The following PRKN variants were observed in gnomAD, a reference collection of about 807,000 sequenced individuals.
PRKN encodes parkin RBR E3 ubiquitin protein ligase.
In PRKN, 56 loss-of-function variants were observed where a neutral mutation model predicts 59.5. The ratio of observed to expected loss-of-function variants is 0.94; its 90% CI spans 0.76 to 1.18. PRKN has a LOEUF of 1.18. Ranked by LOEUF, PRKN falls within the 50% of genes most tolerant of loss-of-function variation. The pLI is 0.00. For missense variants in PRKN, 657 were observed against 596.4 expected (o/e 1.10, Z -1.06); for synonymous variants, 250 against 222.1 (o/e 1.13, Z -1.12).
In PRKN at chr6:161,357,946, C is replaced by A. The variant is rs971084698; in HGVS notation, c.1285+2142G>T. Among the ~76,000 whole-genome samples, 4 of 152,232 alleles carry A rather than the reference C, an allele frequency of 2.6e-5. No homozygotes were observed. Among genetic ancestry groups the A allele is most frequent in the Admixed American group, 6.5e-5 (1 of 15,278 alleles). On this transcript the variant is annotated intron_variant, in intron 11 of 11. Transcript: ENST00000366898. This position sits in a 1 kb window ranked among gnomAD's most constrained non-coding sequence, Gnocchi z 5.5. ...AAACTGGTGCTCACACAGCCACAGT[C>A]CATGGCAGAGTCCTAACTCCTGCAA...
rs1426374815 is a variant in PRKN, at chr6:161,498,586, C to T, written c.1083+50268G>A. On this transcript the variant is annotated intron_variant, in intron 9 of 11. Transcript: ENST00000366898. The surrounding 1 kb of genome is among the most constrained non-coding windows in gnomAD (Gnocchi z 4.2). ...TGACATGTGTAACTTGAGGCCAGAG[C>T]CTTTAATTTCTGGCACTCAACTCTC... is the stretch of plus-strand genomic sequence containing the variant. 6.6e-6 allele frequency among the ~76,000 whole-genome samples: 1 copy of T among 152,138 alleles called. No homozygotes were observed. Among genetic ancestry groups the T allele is most frequent in the Non-Finnish European group, 1.5e-5 (1 of 68,032 alleles).
chr6:162,436,778 G>C lies in PRKN; in HGVS notation c.171+6532C>G, dbSNP rs1248029055. ...TCATGTCTATTCAGATCTATAATGT[G>C]CTAAAAATTCTGTTTAAGACTTCAA... On this transcript the variant is annotated intron_variant, in intron 2 of 11. Coordinates refer to ENST00000366898, the MANE Select transcript of PRKN (RefSeq NM_004562.3). Among the ~76,000 whole-genome samples the C allele has an allele frequency of 2.3e-5, 3 of 128,586 alleles. No homozygotes were observed. The South Asian group carries it at 7.9e-4, about 34-fold the overall frequency. The allele number at this position is 128,586 out of a possible 152,430, so 84.4% of individuals were successfully genotyped here.
chr6:161,568,309 C>T lies in PRKN; in HGVS notation c.933+1046G>A, dbSNP rs569632491. ...TCTTTAGGAGTAAAAATAAATAACACTGGGCTGGGCGTGATGGCTCACGCC... is the reference window on the plus strand; with the variant it reads ...TCTTTAGGAGTAAAAATAAATAACATTGGGCTGGGCGTGATGGCTCACGCC... On this transcript the variant is annotated intron_variant, in intron 8 of 11. Coordinates refer to ENST00000366898, the MANE Select transcript of PRKN (RefSeq NM_004562.3). Among the ~76,000 whole-genome samples the T allele has an allele frequency of 7.2e-5, 11 of 152,258 alleles. No individual in the cohort carries two copies. In the South Asian group the frequency reaches 2.3e-3, roughly 32 times the overall value.
chr6:162,327,961 C>T (rs6905464), intron 2 of PRKN, among the ~76,000 whole-genome samples: 57,044 of 151,854 alleles, frequency 0.38, 11,059 homozygotes, highest in Middle Eastern at 0.48. Flanking sequence ...GGATCACAGA[C>T]GGAGATCCAA....
chr6:162,477,911 T>C (rs1246888217), intron 1 of PRKN, among the ~76,000 whole-genome samples: 1 of 152,202 alleles, frequency 6.6e-6, no homozygotes, highest in African/African-American at 2.4e-5. Flanking sequence ...TAGGATCCTT[T>C]ACTGTTTGTC....
chr6:162,499,396 C>T (rs780728299), intron 1 of PRKN, among the ~76,000 whole-genome samples: 1 of 152,140 alleles, frequency 6.6e-6, no homozygotes, highest in Non-Finnish European at 1.5e-5. Context: ...ATTTGTCACA[C>T]CTCTTCAAAT....
chr6:162,443,165 T>C (rs951697688), intron 2 of PRKN, 145 bp downstream of exon 2: 9 of 760,164 alleles, frequency 1.2e-5, no homozygotes, highest in African/African-American at 1.8e-5. Context: ...TCAGAATTAA[T>C]GAAGCAGTGT....
At chr6:161,586,852 T>C (rs1781539142) in intron 7 of PRKN, among the ~76,000 whole-genome samples, 1 of 152,216 alleles carries the variant, frequency 6.6e-6, no homozygotes. Flanking sequence ...AGGGACTGAT[T>C]CTGAATCCAG....
At chr6:162,248,889 T>A (rs1291334839) in intron 3 of PRKN, among the ~76,000 whole-genome samples, 4 of 152,080 alleles carry the variant, frequency 2.6e-5, no homozygotes, top group African/African-American at 9.7e-5. Flanking sequence ...TATAATTTTT[T>A]TTTTTTTTAA....
In PRKN at chr6:162,246,033, T is replaced by C. The variant is rs1779178740; in HGVS notation, c.412+16492A>G. The stretch of plus-strand genomic sequence containing the variant: ...TGACGCATGACTGAAGTTGTAGGAC[T>C]GAAGCTATAAATTCTCTACATGGCT... On this transcript the variant is annotated intron_variant, in intron 3 of 11. Coordinates refer to ENST00000366898, the MANE Select transcript of PRKN (RefSeq NM_004562.3). Among the ~76,000 whole-genome samples the C allele has an allele frequency of 5.3e-5, 8 of 152,316 alleles. No individual in the cohort carries two copies. The South Asian group carries it at 1.7e-3, about 32-fold the overall frequency.
intron 2 of PRKN, among the ~76,000 whole-genome samples, chr6:162,394,677 A>T (rs1331487650): frequency 6.6e-6 from 1 of 152,192 alleles, no homozygotes; most frequent in African/African-American, 2.4e-5. Context: ...TTATCTCATG[A>T]AGTCCCAGTG....
At chr6:161,627,533 C>A (rs1479003391) in intron 7 of PRKN, among the ~76,000 whole-genome samples, 1 of 152,190 alleles carries the variant, frequency 6.6e-6, no homozygotes, top group African/African-American at 2.4e-5. Flanking sequence ...GCCAGACAGT[C>A]AGTTACAAAC....
At chr6:162,238,569 T>C (rs1199479766) in intron 3 of PRKN, among the ~76,000 whole-genome samples, 1 of 152,196 alleles carries the variant, frequency 6.6e-6, no homozygotes, top group African/African-American at 2.4e-5. Context: ...TAGTATTCCT[T>C]GTTTCTGGAA....
intron 10 of PRKN, among the ~76,000 whole-genome samples, chr6:161,381,876 G>T (rs1416275636): frequency 6.6e-6 from 1 of 151,914 alleles, no homozygotes; most frequent in Non-Finnish European, 1.5e-5. Context: ...ACTTCGGGAG[G>T]CCAAGGCGGG....
chr6:162,457,277 A>G lies in PRKN; in HGVS notation c.8-13804T>C, dbSNP rs149788139. Among the ~76,000 whole-genome samples, 639 of 152,354 alleles carry G rather than the reference A, an allele frequency of 4.2e-3. 2 individuals are homozygous for G. The highest frequency in any genetic ancestry group is 6.9e-3 in the Non-Finnish European group (472 of 68,036). ...ATAGAAATGAAAAAGTTTGTAAAAA[A>G]GAAACAATATCAAATTTCAGACTAT... On this transcript the variant is annotated intron_variant, in intron 1 of 11. Coordinates refer to ENST00000366898, the MANE Select transcript of PRKN (RefSeq NM_004562.3).
In PRKN at chr6:161,377,551, G is replaced by C. The variant is rs1264519175; in HGVS notation, c.1167+9243C>G. On this transcript the variant is annotated intron_variant, in intron 10 of 11. Coordinates refer to ENST00000366898, the MANE Select transcript of PRKN (RefSeq NM_004562.3). This position sits in a 1 kb window ranked among gnomAD's most constrained non-coding sequence, Gnocchi z 4.2. The stretch of plus-strand genomic sequence containing the variant: ...TTTAGGGTTGAAAGAGTGGTGAGGG[G>C]AGACCCTGTCAATAAGCAGAGCCTT... Among the ~76,000 whole-genome samples the C allele has an allele frequency of 6.6e-6, 1 of 152,208 alleles. No homozygotes were observed. The highest frequency in any genetic ancestry group is 1.9e-4 in the East Asian group (1 of 5,184).
chr6:162,519,696 A>C (rs6906781), intron 1 of PRKN, among the ~76,000 whole-genome samples: 61,314 of 151,828 alleles, frequency 0.4, 12,607 homozygotes, highest in South Asian at 0.57. Context: ...AATAAATGGC[A>C]CTTAGTCCAA....
At chr6:161,884,436 C>T (rs1299810399) in intron 6 of PRKN, among the ~76,000 whole-genome samples, 2 of 152,160 alleles carry the variant, frequency 1.3e-5, no homozygotes, top group African/African-American at 4.8e-5. Context: ...ACATATTTAG[C>T]TAGAGAAAGA....
chr6:161,391,630 CA>C lies in PRKN; in HGVS notation c.1084-4754del, dbSNP rs909262278. Among the ~76,000 whole-genome samples, 2 of 152,026 alleles carry C rather than the reference CA, an allele frequency of 1.3e-5. No homozygotes were observed. Among genetic ancestry groups the C allele is most frequent in the Admixed American group, 1.3e-4 (2 of 15,266 alleles). On this transcript the variant is annotated intron_variant, in intron 9 of 11. Transcript: ENST00000366898. This position sits in a 1 kb window ranked among gnomAD's most constrained non-coding sequence, Gnocchi z 4.9. ...AGGCTATGGTCCTCAGTTACTCAAG[CA>C]GACACTAATCTTGGTGTTTCTGTGA... is the stretch of plus-strand genomic sequence containing the variant.
Sources: gnomAD v4.1 joint callset for allele counts (sites outside exome capture counted in the v4.1 genomes callset) on GRCh38, gnomAD v4.1.1 for gene constraint, Gnocchi (gnomAD v3.1) non-coding constraint, MANE v1.5 for transcripts, NCBI Gene and HGNC (gene_info 2026-07-23, HGNC 2026-07-21) for gene names.